The following ANO2 variants were observed in gnomAD, a reference collection of about 807,000 sequenced individuals.
ANO2 encodes the protein anoctamin 2, also known as anoctamin-2.
In ANO2, 101 loss-of-function variants were observed where a neutral mutation model predicts 124.2. The ratio of observed to expected loss-of-function variants is 0.81; its 90% confidence interval spans 0.69 to 0.96. ANO2 has a LOEUF of 0.96. ANO2 is among the 40% of genes least tolerant of loss of function. ANO2 has a pLI of 0.00. For synonymous variants in ANO2, 486 were observed against 482.5 expected, an observed-to-expected ratio of 1.01 and a Z score of -0.09; for missense variants, 1,293 against 1,274.5, an observed-to-expected ratio of 1.01 and a Z score of -0.22.
At chr12:5,731,155 G>C (rs893207662) in intron 14 of ANO2, among the ~76,000 whole-genome samples, 1 of 152,226 alleles carries the variant, frequency 6.6e-6, no homozygotes, top group Non-Finnish European at 1.5e-5. Context: ...TTGCTATGGG[G>C]TGGAGAAAGA....
chr12:5,704,850 A>G (rs1363776396), intron 14 of ANO2, among the ~76,000 whole-genome samples: 1 of 152,220 alleles, frequency 6.6e-6, no homozygotes, highest in Non-Finnish European at 1.5e-5. Context: ...CAAAGAAATC[A>G]CAGATTATAA....
intron 3 of ANO2, among the ~76,000 whole-genome samples, chr12:5,873,206 T>G (rs1265163565): frequency 4.5e-5 from 2 of 44,010 alleles, no homozygotes; most frequent in Non-Finnish European, 1.1e-4. Flanking sequence ...GCTCTCTCTC[T>G]CTCTCTCTCT....
chr12:5,721,967 A>G (rs1950251691), intron 14 of ANO2, among the ~76,000 whole-genome samples: 1 of 152,244 alleles, frequency 6.6e-6, no homozygotes, highest in Non-Finnish European at 1.5e-5. Flanking sequence ...TTTATGTCCT[A>G]ACAAATTAAT....
chr12:5,909,838 T>A (rs557259581), intron 3 of ANO2, among the ~76,000 whole-genome samples: 1 of 152,276 alleles, frequency 6.6e-6, no homozygotes, highest in East Asian at 1.9e-4. Flanking sequence ...AGGCTTCTCC[T>A]AGGCTTTGGG....
chr12:5,667,832 C>T (rs914205445), intron 14 of ANO2, among the ~76,000 whole-genome samples: 6 of 152,198 alleles, frequency 3.9e-5, no homozygotes, highest in African/African-American at 1.4e-4. Flanking sequence ...GATTAGTTTG[C>T]TGAGGACAAT....
intron 1 of ANO2, among the ~76,000 whole-genome samples, chr12:5,928,681 T>C (rs376461068): frequency 9.9e-4 from 120 of 120,702 alleles, no homozygotes; most frequent in African/African-American, 2.7e-3. Flanking sequence ...CTTCTTTCCT[T>C]ACTCGTCTAC....
intron 11 of ANO2, among the ~76,000 whole-genome samples, chr12:5,745,701 TGTGA>T (rs1951246216): frequency 6.6e-6 from 1 of 152,166 alleles, no homozygotes; most frequent in Non-Finnish European, 1.5e-5. Context: ...AGGCCTCCTG[TGTGA>T]GAGAATGGAA....
intron 14 of ANO2, among the ~76,000 whole-genome samples, chr12:5,682,177 AT>A (rs1565561915): frequency 1.3e-5 from 2 of 152,182 alleles, no homozygotes; most frequent in East Asian, 3.9e-4. Context: ...GCATTCTTAA[AT>A]TTTCCCAACT....
intron 7 of ANO2, among the ~76,000 whole-genome samples, chr12:5,823,282 T>A (rs2137202656): frequency 6.6e-6 from 1 of 152,226 alleles, no homozygotes. Context: ...AAGTCCACAG[T>A]CCAAAGTCTC....
chr12:5,742,332 G>T (rs1169232671), intron 12 of ANO2, among the ~76,000 whole-genome samples: 1 of 152,210 alleles, frequency 6.6e-6, no homozygotes, highest in Non-Finnish European at 1.5e-5. Context: ...CTTGGCTGCT[G>T]TAACTGAATA....
At chr12:5,577,171 ATT>A (rs1190949712) in intron 22 of ANO2, among the ~76,000 whole-genome samples, 1 of 152,240 alleles carries the variant, frequency 6.6e-6, no homozygotes, top group Admixed American at 6.5e-5. Flanking sequence ...ACATCACAAC[ATT>A]CAAAATGCAG....
intron 1 of ANO2, among the ~76,000 whole-genome samples, chr12:5,943,477 G>A (rs751319595): frequency 1.3e-5 from 2 of 152,110 alleles, no homozygotes; most frequent in African/African-American, 2.4e-5. Flanking sequence ...AAAGACATAA[G>A]AATGATATCA....
intron 3 of ANO2, among the ~76,000 whole-genome samples, chr12:5,905,789 CA>C (rs913017138): frequency 6.6e-6 from 1 of 151,952 alleles, no homozygotes; most frequent in African/African-American, 2.4e-5. Flanking sequence ...TGGAAAGATA[CA>C]AAAAAAATCT....
intron 14 of ANO2, among the ~76,000 whole-genome samples, chr12:5,683,450 C>T (rs1272321330): frequency 6.6e-6 from 1 of 152,024 alleles, no homozygotes; most frequent in African/African-American, 2.4e-5. Context: ...AAGGCTTAGA[C>T]AAGTGAGTTA....
intron 14 of ANO2, among the ~76,000 whole-genome samples, chr12:5,714,735 C>T (rs1949953070): frequency 6.6e-6 from 1 of 152,178 alleles, no homozygotes; most frequent in East Asian, 1.9e-4. Flanking sequence ...TAAGAATTTA[C>T]ATTTTCAGAA....
At chr12:5,705,942 T>C (rs1949591379) in intron 14 of ANO2, among the ~76,000 whole-genome samples, 1 of 152,186 alleles carries the variant, frequency 6.6e-6, no homozygotes, top group South Asian at 2.1e-4. Context: ...CAAAGCCCTG[T>C]GGCTTGGGAA....
rs1362541860 is a variant in ANO2, at chr12:5,563,014, C to G, written c.*285G>C. The G allele has an allele frequency of 4.8e-5, 21 of 439,820 alleles. No individual in the cohort carries two copies. In the East Asian group the frequency reaches 8.1e-4, roughly 17 times the overall value. The allele number at this position is 439,820 out of a possible 1,614,324, so 27.2% of individuals were successfully genotyped here. A position where few individuals can be genotyped will look rare whatever the true frequency, so the allele number is the denominator to read the frequency against. Reference sequence around the variant, plus strand: ...GGGAATGCTCGCGGTGCCTGAGACTCTGGGGTGGAGAGACCCCAGTGGGGT... The same window carrying G: ...GGGAATGCTCGCGGTGCCTGAGACTGTGGGGTGGAGAGACCCCAGTGGGGT... On this transcript the variant is annotated 3_prime_UTR_variant, in exon 25 of 25. Transcript: ENST00000682330.
chr12:5,841,780 C>A (rs576913025), intron 4 of ANO2, among the ~76,000 whole-genome samples: 1 of 152,234 alleles, frequency 6.6e-6, no homozygotes, highest in African/African-American at 2.4e-5. Flanking sequence ...TCCTCTCCCC[C>A]ACTTTCATCT....
chr12:5,902,250 T>G (rs541492798), intron 3 of ANO2, among the ~76,000 whole-genome samples: 4 of 152,080 alleles, frequency 2.6e-5, no homozygotes, highest in Non-Finnish European at 5.9e-5. Flanking sequence ...ACAAGCTATA[T>G]TAATACACTT....
Sources: allele counts gnomAD v4.1 joint callset (sites outside exome capture counted in the v4.1 genomes callset), GRCh38; gene constraint gnomAD v4.1.1; transcripts MANE v1.5; gene names NCBI Gene and HGNC (gene_info 2026-07-23, HGNC 2026-07-21).